COL4A2: variants seen among roughly 807,000 people sequenced by gnomAD.
COL4A2 encodes collagen type IV alpha 2 chain, also known as collagen alpha-2(IV) chain.
COL4A2 carries 99 observed loss-of-function variants against 200.2 expected under a neutral mutation model. The ratio of observed to expected loss-of-function variants is 0.49; its 90% CI spans 0.42 to 0.58. The LOEUF is 0.58. COL4A2 is among the 20% of genes least tolerant of loss of function. The pLI is 0.00. For missense variants in COL4A2, 1,950 were observed against 2,314.1 expected, an observed-to-expected ratio of 0.84 and a Z score of 3.23; for synonymous variants, 897 against 900.6, an observed-to-expected ratio of 1.00 and a Z score of 0.07.
At chr13:110,334,568 G>T (rs1876081634) in intron 3 of COL4A2, among the ~76,000 whole-genome samples, 1 of 152,142 alleles carries the variant, frequency 6.6e-6, no homozygotes, top group Non-Finnish European at 1.5e-5. Flanking sequence ...TACCTGTCGT[G>T]GTCATGGCAC....
intron 10 of COL4A2, among the ~76,000 whole-genome samples, chr13:110,432,086 C>A (rs1200391463): frequency 6.6e-6 from 1 of 152,182 alleles, no homozygotes; most frequent in Non-Finnish European, 1.5e-5. Flanking sequence ...CCCAAACACA[C>A]AAAAGCAAAG....
At position 110,480,421 on chromosome 13, in the gene COL4A2, T is replaced by A. The variant is rs780576894; in HGVS notation, c.2758+31T>A. On this transcript the variant is annotated intron_variant, in intron 31 of 47. Coordinates refer to ENST00000360467, the MANE Select transcript of COL4A2 (RefSeq NM_001846.4). The stretch of plus-strand genomic sequence containing the variant: ...TGTGTGACTGTGACCAGGGATCCCT[T>A]GGCGGGGAGGTTGGGTCTAATCAAC... 1.9e-6 allele frequency: 3 copies of A among 1,588,790 alleles called. No individual in the cohort carries two copies. The Admixed American group carries it at 5.3e-5, about 28-fold the overall frequency.
intron 3 of COL4A2, among the ~76,000 whole-genome samples, chr13:110,314,365 G>A (rs372175427): frequency 1.3e-5 from 2 of 152,220 alleles, no homozygotes; most frequent in African/African-American, 4.8e-5. Context: ...AGCCAGTCTC[G>A]AATGAGCAGA....
chr13:110,396,585 A>G (rs1052097978), intron 4 of COL4A2, among the ~76,000 whole-genome samples: 1 of 152,192 alleles, frequency 6.6e-6, no homozygotes, highest in Admixed American at 6.5e-5. Context: ...TCTGGAGAAC[A>G]TGCCTTCTTG....
chr13:110,406,410 C>CATA (rs1214733501), intron 4 of COL4A2, among the ~76,000 whole-genome samples: 1 of 152,156 alleles, frequency 6.6e-6, no homozygotes, highest in Non-Finnish European at 1.5e-5. Context: ...GAAGTGACAG[C>CATA]ATAAGCAGGA....
intron 24 of COL4A2, among the ~76,000 whole-genome samples, chr13:110,464,711 C>T (rs955199748): frequency 6.6e-6 from 1 of 152,176 alleles, no homozygotes; most frequent in Non-Finnish European, 1.5e-5. Flanking sequence ...AGCCTCGTCC[C>T]GTGGCTCAGC....
At chr13:110,358,631 C>T (rs914727712) in intron 4 of COL4A2, among the ~76,000 whole-genome samples, 3 of 152,182 alleles carry the variant, frequency 2.0e-5, no homozygotes, top group African/African-American at 4.8e-5. Context: ...GTGGGTTATG[C>T]GCTGGGCAGA....
At chr13:110,339,578 T>C (rs1348369700) in intron 3 of COL4A2, among the ~76,000 whole-genome samples, 1 of 151,948 alleles carries the variant, frequency 6.6e-6, no homozygotes. Flanking sequence ...GCCTCAGATA[T>C]AGGGGAAAAA....
At position 110,307,747 on chromosome 13, in the gene COL4A2, C is replaced by G; in HGVS notation, c.-44-113C>G. On this transcript the variant is annotated intron_variant, in intron 1 of 47. Transcript: ENST00000360467. This position sits in a 1 kb window ranked among gnomAD's most constrained non-coding sequence, Gnocchi z 5.0. ...GGGGGGGACGGCCCTCCGGTCACCC[C>G]TGCATGCGGGCCGCGCACCGCGCTG... 5 of 1,018,182 alleles carry G rather than the reference C, an allele frequency of 4.9e-6. No homozygotes were observed. Among genetic ancestry groups the G allele is most frequent in the South Asian group, 3.3e-5 (2 of 59,964 alleles). The allele number at this position is 1,018,182 out of a possible 1,614,324, so 63.1% of individuals were successfully genotyped here.
In COL4A2 at chr13:110,504,128, G is replaced by A. The variant is rs370861459; in HGVS notation, c.4286-20G>A. On this transcript the variant is annotated intron_variant, in intron 44 of 47. Coordinates refer to ENST00000360467, the MANE Select transcript of COL4A2 (RefSeq NM_001846.4). ...GGCGTGGTCAGTTTCCAGCCATAAC[G>A]CTTCTTTGGTGGCTTGCAGGTTTCC... is the stretch of plus-strand genomic sequence containing the variant. The A allele has an allele frequency of 1.3e-5, 21 of 1,610,882 alleles. No homozygotes were observed. The highest frequency in any genetic ancestry group is 1.7e-4 in the Middle Eastern group (1 of 6,058).
intron 4 of COL4A2, among the ~76,000 whole-genome samples, chr13:110,410,005 A>T (rs1279819608): frequency 6.6e-6 from 1 of 152,186 alleles, no homozygotes; most frequent in Non-Finnish European, 1.5e-5. Context: ...TGGTTCCAGG[A>T]CCAGCATCAG....
chr13:110,403,953 C>A (rs1017699861), intron 4 of COL4A2, among the ~76,000 whole-genome samples: 3 of 152,186 alleles, frequency 2.0e-5, no homozygotes, highest in African/African-American at 7.2e-5. Context: ...GCTTCATAGA[C>A]AGTGCCTTGC....
At chr13:110,438,336 C>T (rs1286650300) in intron 14 of COL4A2, among the ~76,000 whole-genome samples, 3 of 152,364 alleles carry the variant, frequency 2.0e-5, no homozygotes, top group East Asian at 3.9e-4. Context: ...TTCTGCCCTC[C>T]GTCCCCTCTG....
intron 11 of COL4A2, among the ~76,000 whole-genome samples, chr13:110,433,617 CAGAG>C (rs1173803175): frequency 6.6e-6 from 1 of 152,162 alleles, no homozygotes; most frequent in East Asian, 1.9e-4. Flanking sequence ...CGGTAGACTG[CAGAG>C]AAAGAGAGAT....
chr13:110,484,848 T>G (rs1452031212), intron 32 of COL4A2, 57 bp from the exon 33 acceptor site: 3 of 1,527,338 alleles, frequency 2.0e-6, no homozygotes, highest in Non-Finnish European at 2.7e-6. Flanking sequence ...CCTTCACCTG[T>G]GTTCTCCTGC....
intron 4 of COL4A2, among the ~76,000 whole-genome samples, chr13:110,392,441 G>C (rs1272315986): frequency 1.3e-5 from 2 of 152,194 alleles, no homozygotes; most frequent in Non-Finnish European, 2.9e-5. Flanking sequence ...GGAACCAGGA[G>C]CTGGGACCCT....
At chr13:110,471,167 G>C (rs1207439699) in intron 28 of COL4A2, among the ~76,000 whole-genome samples, 2 of 152,240 alleles carry the variant, frequency 1.3e-5, no homozygotes, top group Non-Finnish European at 2.9e-5. Context: ...TTCTTGCTGT[G>C]AGTATGAAAG....
chr13:110,473,879 C>A (rs1882575684), intron 29 of COL4A2, among the ~76,000 whole-genome samples: 1 of 152,088 alleles, frequency 6.6e-6, no homozygotes, highest in South Asian at 2.1e-4. Context: ...AATCCCAACA[C>A]TTTGGGAGGC....
intron 4 of COL4A2, among the ~76,000 whole-genome samples, chr13:110,362,823 T>C (rs1025234246): frequency 2.0e-5 from 3 of 152,232 alleles, no homozygotes; most frequent in African/African-American, 7.2e-5. Flanking sequence ...AGCTTTGCTT[T>C]GCTTGTTAAC....
Sources: allele counts gnomAD v4.1 joint callset (sites outside exome capture counted in the v4.1 genomes callset), GRCh38; gene constraint gnomAD v4.1.1; non-coding constraint Gnocchi (gnomAD v3.1); transcripts MANE v1.5; gene names NCBI Gene and HGNC (gene_info 2026-07-23, HGNC 2026-07-21).